Variants in TMC1 observed in about 807,000 individuals in gnomAD.
The protein encoded by TMC1 is transmembrane channel like 1, also known as transmembrane channel-like protein 1.
A neutral mutation model predicts 105.8 loss-of-function variants in TMC1; 84 were observed. That is an observed-to-expected ratio of 0.79 (90% CI 0.67 to 0.95). TMC1 has a LOEUF of 0.95. Ranked by LOEUF, TMC1 falls within the 40% of genes least tolerant of loss-of-function variation. The probability of loss-of-function intolerance (pLI) is 0.00; values close to 1 mark genes in which losing one functional copy is unlikely to be tolerated. For missense variants in TMC1, 817 were observed against 914.1 expected (o/e 0.89, Z 1.37); for synonymous variants, 315 against 311.5 (o/e 1.01, Z -0.12).
intron 2 of TMC1, among the ~76,000 whole-genome samples, chr9:72,612,986 T>C (rs1825058187): frequency 6.6e-6 from 1 of 152,176 alleles, no homozygotes; most frequent in African/African-American, 2.4e-5. Flanking sequence ...ATCATATCGC[T>C]GTGGCTTGGC....
At chr9:72,582,482 TC>T (rs1824491304) in intron 2 of TMC1, among the ~76,000 whole-genome samples, 5 of 152,284 alleles carry the variant, frequency 3.3e-5, no homozygotes, top group Admixed American at 2.6e-4. Flanking sequence ...TTAGTTAGTA[TC>T]CAGGAGCAGA....
intron 17 of TMC1, 74 bp downstream of exon 17, chr9:72,792,426 G>A: frequency 6.3e-7 from 1 of 1,587,732 alleles, no homozygotes; most frequent in Non-Finnish European, 8.6e-7. Flanking sequence ...CCATAAGATT[G>A]GCTTTTAAAA....
At chr9:72,692,918 C>T (rs58348685) in intron 6 of TMC1, among the ~76,000 whole-genome samples, 17,888 of 151,918 alleles carry the variant, frequency 0.12, 1,097 homozygotes, top group Non-Finnish European at 0.14. Context: ...CAGGAGTTCA[C>T]GACCAGCCTG....
intron 8 of TMC1, among the ~76,000 whole-genome samples, chr9:72,717,606 G>A (rs1826942543): frequency 6.6e-6 from 1 of 152,144 alleles, no homozygotes; most frequent in African/African-American, 2.4e-5. Context: ...TGTTTAAGGA[G>A]GATAAAAATA....
intron 2 of TMC1, among the ~76,000 whole-genome samples, chr9:72,604,020 C>A (rs998792746): frequency 1.3e-5 from 2 of 151,972 alleles, no homozygotes; most frequent in African/African-American, 2.4e-5. Context: ...GTGCCCACCA[C>A]CATGCCTGGC....
chr9:72,570,969 A>T (rs1824272790), intron 1 of TMC1, among the ~76,000 whole-genome samples: 1 of 134,908 alleles, frequency 7.4e-6, no homozygotes. Flanking sequence ...GATTACAGGC[A>T]TGAGCCACCG....
intron 2 of TMC1, among the ~76,000 whole-genome samples, chr9:72,595,312 C>G (rs539566902): frequency 3.3e-5 from 5 of 152,192 alleles, no homozygotes; most frequent in Non-Finnish European, 7.3e-5. Context: ...TAGACCCCGA[C>G]CAGCCTACAT....
chr9:72,740,813 T>A (rs1256060601), intron 9 of TMC1, among the ~76,000 whole-genome samples: 6 of 152,198 alleles, frequency 3.9e-5, no homozygotes, highest in African/African-American at 1.4e-4. Flanking sequence ...TGTATTCCCA[T>A]AAAGTTTTGT....
intron 12 of TMC1, among the ~76,000 whole-genome samples, chr9:72,759,957 A>G (rs1827730656): frequency 6.6e-6 from 1 of 152,136 alleles, no homozygotes; most frequent in South Asian, 2.1e-4. Flanking sequence ...TCTATTTCAC[A>G]AGGGGAAATG....
chr9:72,636,962 A>C (rs368814550), intron 4 of TMC1, among the ~76,000 whole-genome samples: 9 of 152,096 alleles, frequency 5.9e-5, no homozygotes, highest in African/African-American at 2.2e-4. Context: ...CAGCCTCCAC[A>C]AAAAGAATTA....
intron 17 of TMC1, among the ~76,000 whole-genome samples, chr9:72,803,159 C>T (rs147664043): frequency 6.6e-6 from 1 of 152,092 alleles, no homozygotes; most frequent in Non-Finnish European, 1.5e-5. Context: ...ATAAATGATG[C>T]TAAGAAAACT....
chr9:72,794,097 CACCAGACAGGGA>C (rs2118200996), intron 17 of TMC1, among the ~76,000 whole-genome samples: 1 of 152,164 alleles, frequency 6.6e-6, no homozygotes, highest in African/African-American at 2.4e-5. Context: ...CCCTCCTTGT[CACCAGACAGGGA>C]ACCCCCAGCT....
chr9:72,661,393 A>G (rs1315529386), intron 5 of TMC1, among the ~76,000 whole-genome samples: 1 of 152,158 alleles, frequency 6.6e-6, no homozygotes, highest in Non-Finnish European at 1.5e-5. Context: ...CCACATCTAA[A>G]CTGTTTGCCT....
intron 12 of TMC1, among the ~76,000 whole-genome samples, chr9:72,762,219 G>A (rs1282825792): frequency 6.6e-6 from 1 of 152,218 alleles, no homozygotes; most frequent in East Asian, 1.9e-4. Context: ...TTCCATATTG[G>A]TTAGCAATAA....
At chr9:72,746,125 A>G (rs1160141574) in intron 10 of TMC1, among the ~76,000 whole-genome samples, 1 of 152,224 alleles carries the variant, frequency 6.6e-6, no homozygotes, top group East Asian at 1.9e-4. Flanking sequence ...TATAGAATAC[A>G]TATTTAATTA....
At chr9:72,725,365 A>ATATATG (rs1554723260) in intron 8 of TMC1, among the ~76,000 whole-genome samples, 3 of 82,226 alleles carry the variant, frequency 3.6e-5, no homozygotes, top group African/African-American at 5.3e-5. Context: ...ATATATATAT[A>ATATATG]TATGTATATA....
At chr9:72,728,543 A>C (rs2117974315) in intron 8 of TMC1, among the ~76,000 whole-genome samples, 1 of 152,162 alleles carries the variant, frequency 6.6e-6, no homozygotes, top group East Asian at 1.9e-4. Context: ...TTTTTGGCAC[A>C]TTTTGGCATA....
intron 6 of TMC1, among the ~76,000 whole-genome samples, chr9:72,692,686 G>T (rs1307742991): frequency 6.6e-6 from 1 of 152,056 alleles, no homozygotes; most frequent in Non-Finnish European, 1.5e-5. Flanking sequence ...GACTAATGTG[G>T]CTAATAAAAG....
chr9:72,733,962 G>T (rs898222422), intron 8 of TMC1, among the ~76,000 whole-genome samples: 11 of 152,038 alleles, frequency 7.2e-5, no homozygotes, highest in African/African-American at 2.2e-4. Context: ...TATGCTTTGG[G>T]GGCATTATTA....
Sources: gnomAD v4.1 joint callset for allele counts (sites outside exome capture counted in the v4.1 genomes callset) on GRCh38, gnomAD v4.1.1 for gene constraint, MANE v1.5 for transcripts, NCBI Gene and HGNC (gene_info 2026-07-23, HGNC 2026-07-21) for gene names.